Variants in LIX1 observed in about 807,000 individuals in gnomAD.
The protein encoded by LIX1 is limb and CNS expressed 1.
A neutral mutation model predicts 33.4 loss-of-function variants in LIX1; 24 were observed. That is an observed-to-expected ratio of 0.72 (90% CI 0.52 to 1.01). LIX1 has a LOEUF of 1.01. LIX1 is among the 50% of genes least tolerant of loss of function. LIX1 has a pLI of 0.00. For synonymous variants in LIX1, 124 were observed against 124.0 expected, an observed-to-expected ratio of 1.00 and a Z score of 0.00; for missense variants, 311 against 339.2, an observed-to-expected ratio of 0.92 and a Z score of 0.65.
chr5:97,115,388 C>T (rs1010599714), intron 2 of LIX1, among the ~76,000 whole-genome samples: 2 of 152,132 alleles, frequency 1.3e-5, no homozygotes, highest in Non-Finnish European at 2.9e-5. Flanking sequence ...CAAGCTGAAG[C>T]AATTTAGACA....
chr5:97,102,970 C>T lies in LIX1; in HGVS notation c.483+2220G>A. On this transcript the variant is annotated intron_variant, in intron 4 of 5. Coordinates refer to ENST00000274382, the MANE Select transcript of LIX1 (RefSeq NM_153234.5). ...TGCCAGATGCTTTATAAATGTTACA[C>T]TACTTAAATCCCGCAAAAATTCTAC... The T allele has an allele frequency of 1.4e-5, 6 of 424,310 alleles. 1 individual carries two copies. Among genetic ancestry groups the T allele is most frequent in the South Asian group, 1.0e-4 (6 of 58,926 alleles). The allele number at this position is 424,310 out of a possible 1,614,324, so 26.3% of individuals were successfully genotyped here. A position where few individuals can be genotyped will look rare whatever the true frequency, so the allele number is the denominator to read the frequency against.
intron 2 of LIX1, among the ~76,000 whole-genome samples, chr5:97,119,595 T>A (rs1747728796): frequency 6.6e-6 from 1 of 152,160 alleles, no homozygotes; most frequent in South Asian, 2.1e-4. Context: ...TGGATCTTTT[T>A]AAGCAAAGAT....
At position 97,093,281 on chromosome 5, in the gene LIX1, T is replaced by C. The variant is rs986293311; in HGVS notation, c.*1467A>G. 1 of 152,276 alleles carries C rather than the reference T, an allele frequency of 6.6e-6. No individual in the cohort carries two copies. The highest frequency in any genetic ancestry group is 1.5e-5 in the Non-Finnish European group (1 of 68,032). The allele number at this position is 152,276 out of a possible 1,614,324, so 9.4% of individuals were successfully genotyped here. A position where few individuals can be genotyped will look rare whatever the true frequency, so the allele number is the denominator to read the frequency against. ...TTTATAAACTTTAATGTAATTATAA[T>C]GGTTTTGCTTTCAGTGAAGCATGTA... is the stretch of plus-strand genomic sequence containing the variant. On this transcript the variant is annotated 3_prime_UTR_variant, in exon 6 of 6. Coordinates refer to ENST00000274382, the MANE Select transcript of LIX1 (RefSeq NM_153234.5).
chr5:97,096,935 T>C (rs1408704755), intron 4 of LIX1, 48 bp from the exon 5 acceptor site: 2 of 1,384,794 alleles, frequency 1.4e-6, no homozygotes, highest in South Asian at 1.2e-5. Flanking sequence ...GAAATGTGCA[T>C]TGGTGAGAGC....
At chr5:97,116,293 A>C (rs550147453) in intron 2 of LIX1, among the ~76,000 whole-genome samples, 2 of 152,312 alleles carry the variant, frequency 1.3e-5, no homozygotes, top group South Asian at 4.1e-4. Flanking sequence ...TTCTCCTTCC[A>C]GATGGTGATG....
At position 97,110,601 on chromosome 5, in the gene LIX1, C is replaced by T. The variant is rs1030015997; in HGVS notation, c.247-3101G>A. Among the ~76,000 whole-genome samples the T allele has an allele frequency of 9.9e-5, 15 of 152,158 alleles. 1 individual carries two copies. The East Asian group carries it at 1.7e-3, about 18-fold the overall frequency. On this transcript the variant is annotated intron_variant, in intron 2 of 5. Coordinates refer to ENST00000274382, the MANE Select transcript of LIX1 (RefSeq NM_153234.5). ...CTGGGATTATAGGCATGTGCCACTA[C>T]GCCTGGCTGATTTTGTATGTTTAGT...
intron 1 of LIX1, chr5:97,136,986 AAAG>A: frequency 3.4e-6 from 1 of 297,856 alleles, no homozygotes; most frequent in South Asian, 3.0e-5. Flanking sequence ...TGTATTACAA[AAAG>A]AAGATTCTTT....
At chr5:97,123,373 CTG>C (rs1455861084) in intron 2 of LIX1, among the ~76,000 whole-genome samples, 1 of 152,208 alleles carries the variant, frequency 6.6e-6, no homozygotes, top group African/African-American at 2.4e-5. Context: ...CCACTTCCTC[CTG>C]TGTTTCCCAC....
At chr5:97,127,769 C>A (rs1747965240) in intron 1 of LIX1, among the ~76,000 whole-genome samples, 1 of 152,146 alleles carries the variant, frequency 6.6e-6, no homozygotes, top group Non-Finnish European at 1.5e-5. Context: ...TGCAGTTGTA[C>A]CTTCAGTGCC....
intron 4 of LIX1, among the ~76,000 whole-genome samples, chr5:97,097,802 C>G (rs906488421): frequency 1.5e-4 from 23 of 152,134 alleles, no homozygotes; most frequent in Non-Finnish European, 2.4e-4. Context: ...TCTAGATTGC[C>G]GTGCTGAAAC....
rs543788232 is a variant in LIX1, at chr5:97,103,902, T to C, written c.483+1288A>G. The stretch of plus-strand genomic sequence containing the variant: ...ATGGCTTGAACCTGGGAGGCAGAGC[T>C]TGCAGTGAGCCAAGATCAGGCCACT... On this transcript the variant is annotated intron_variant, in intron 4 of 5. Transcript: ENST00000274382. 5.3e-5 allele frequency among the ~76,000 whole-genome samples: 8 copies of C among 150,860 alleles called. No individual in the cohort carries two copies. The East Asian group carries it at 1.4e-3, about 26-fold the overall frequency.
chr5:97,095,084 G>A (rs762120428), intron 5 of LIX1, 49 bp from the exon 6 acceptor site: 2 of 1,558,014 alleles, frequency 1.3e-6, no homozygotes, highest in Middle Eastern at 2.0e-4. Context: ...AGCAACAAAG[G>A]CACCCGTCCA....
chr5:97,096,995 C>T, intron 4 of LIX1, 108 bp from the exon 5 acceptor site: 1 of 851,580 alleles, frequency 1.2e-6, no homozygotes, highest in Non-Finnish European at 2.0e-6. Context: ...ACAGAATACA[C>T]AATATTGTCA....
intron 1 of LIX1, among the ~76,000 whole-genome samples, chr5:97,141,664 A>G (rs1045283824): frequency 6.6e-6 from 1 of 152,228 alleles, no homozygotes; most frequent in Non-Finnish European, 1.5e-5. Flanking sequence ...AAGTTAAAAA[A>G]AATTCCATAT....
chr5:97,112,082 C>T (rs939942860), intron 2 of LIX1, among the ~76,000 whole-genome samples: 6 of 152,200 alleles, frequency 3.9e-5, no homozygotes, highest in Admixed American at 1.3e-4. Context: ...ACAAGTACTT[C>T]AAAATGTCTA....
intron 5 of LIX1, 94 bp downstream of exon 5, chr5:97,096,716 G>C: frequency 1.1e-6 from 1 of 889,622 alleles, no homozygotes; most frequent in Non-Finnish European, 1.8e-6. Context: ...ATTTATATTT[G>C]GAAAAATCCG....
chr5:97,113,452 T>C (rs1427900073), intron 2 of LIX1, among the ~76,000 whole-genome samples: 1 of 152,216 alleles, frequency 6.6e-6, no homozygotes, highest in East Asian at 1.9e-4. Context: ...ATAATCCACA[T>C]TGCTGGCACT....
chr5:97,092,862 T>C lies in LIX1; in HGVS notation c.*1886A>G, dbSNP rs1746144948. The C allele has an allele frequency of 6.6e-6, 1 of 152,360 alleles. No homozygotes were observed. Among genetic ancestry groups the C allele is most frequent in the Admixed American group, 6.5e-5 (1 of 15,284 alleles). The allele number at this position is 152,360 out of a possible 1,614,324, so 9.4% of individuals were successfully genotyped here. A position where few individuals can be genotyped will look rare whatever the true frequency, so the allele number is the denominator to read the frequency against. ...ATGACAATGTAAAGAGTAATGGCTT[T>C]ATGAAAGAAATTAACTTTAAATAGA... is the stretch of plus-strand genomic sequence containing the variant. On this transcript the variant is annotated 3_prime_UTR_variant, in exon 6 of 6. Transcript: ENST00000274382.
intron 1 of LIX1, 48 bp downstream of exon 1, chr5:97,142,447 G>T: frequency 7.8e-7 from 1 of 1,282,928 alleles, no homozygotes; most frequent in Non-Finnish European, 1.1e-6. Flanking sequence ...TTGACGTTTA[G>T]GACTATTTTC....
Sources: gnomAD v4.1 joint callset for allele counts (sites outside exome capture counted in the v4.1 genomes callset) on GRCh38, gnomAD v4.1.1 for gene constraint, MANE v1.5 for transcripts, NCBI Gene and HGNC (gene_info 2026-07-23, HGNC 2026-07-21) for gene names.